The following EIF2B3 variants were observed in gnomAD, a reference collection of about 807,000 sequenced individuals.
EIF2B3 encodes translation initiation factor eIF2B subunit gamma.
A neutral mutation model predicts 54.1 loss-of-function variants in EIF2B3; 20 were observed. The ratio of observed to expected loss-of-function variants is 0.37; its 90% CI spans 0.26 to 0.54. The LOEUF is 0.54. EIF2B3 is among the 20% of genes least tolerant of loss of function. The pLI, the probability that EIF2B3 is intolerant of heterozygous loss-of-function variation, is 0.86. For synonymous variants in EIF2B3, 153 were observed against 188.1 expected, an observed-to-expected ratio of 0.81 and a Z score of 1.52; for missense variants, 448 against 547.8, an observed-to-expected ratio of 0.82 and a Z score of 1.82.
intron 8 of EIF2B3, among the ~76,000 whole-genome samples, chr1:44,876,733 G>A (rs1206808075): frequency 3.5e-5 from 5 of 142,110 alleles, no homozygotes; most frequent in African/African-American, 1.4e-4. Flanking sequence ...TGATGACAAT[G>A]GCGGTTTTGT....
chr1:44,897,302 A>G, intron 6 of EIF2B3, 53 bp downstream of exon 6: 1 of 1,355,768 alleles, frequency 7.4e-7, no homozygotes, highest in Non-Finnish European at 1.1e-6. Context: ...TAAGGAATTC[A>G]CAAAGTAGCT....
At chr1:44,887,902 C>CA (rs975744552) in intron 6 of EIF2B3, among the ~76,000 whole-genome samples, 15 of 146,852 alleles carry the variant, frequency 1.0e-4, no homozygotes, top group South Asian at 2.2e-4. Context: ...TGTCTCCCCC[C>CA]AAAAAAAAAG....
Position 44,881,590 on chromosome 1 carries a change from C to G in EIF2B3, c.784+22G>C. 1 of 1,613,632 alleles carries G rather than the reference C, an allele frequency of 6.2e-7. No homozygotes were observed. The highest frequency in any genetic ancestry group is 1.1e-5 in the South Asian group (1 of 91,078). ...GGTGCTGCTACCCTTGCCCCTCTTA[C>G]TGAACCAACCCAAGAACTGACCTAA... On this transcript the variant is annotated intron_variant, in intron 7 of 11. Coordinates refer to ENST00000360403, the MANE Select transcript of EIF2B3 (RefSeq NM_020365.5). The surrounding 1 kb of genome is among the most constrained non-coding windows in gnomAD (Gnocchi z 4.0).
chr1:44,965,626 A>G (rs1644328631), intron 3 of EIF2B3, among the ~76,000 whole-genome samples: 1 of 149,954 alleles, frequency 6.7e-6, no homozygotes, highest in African/African-American at 2.5e-5. Context: ...TGAGATGCAC[A>G]AATGCATCTT....
rs1644051374 is a variant in EIF2B3, at chr1:44,942,767, CAA to C, written c.295-1104_295-1103del. 1.3e-5 allele frequency among the ~76,000 whole-genome samples: 2 copies of C among 151,778 alleles called. 1 individual carries two copies. Among genetic ancestry groups the C allele is most frequent in the South Asian group, 4.2e-4 (2 of 4,810 alleles). On this transcript the variant is annotated intron_variant, in intron 3 of 11. Transcript: ENST00000360403. ...TCAGATTAATTATAATAAAAACTAA[CAA>C]TGATAACTAATGTTTACTGAATGCT...
chr1:44,877,818 A>G (rs1655245540), intron 8 of EIF2B3, among the ~76,000 whole-genome samples: 1 of 152,140 alleles, frequency 6.6e-6, no homozygotes, highest in African/African-American at 2.4e-5. Context: ...TGGCAGCCAC[A>G]CTAGCTGACG....
chr1:44,970,629 C>T (rs990831247), intron 3 of EIF2B3, among the ~76,000 whole-genome samples: 2 of 152,146 alleles, frequency 1.3e-5, no homozygotes, highest in South Asian at 2.1e-4. Context: ...GAGAGATAAC[C>T]GACATCCCTT....
chr1:44,942,241 C>T (rs1459570950), intron 3 of EIF2B3, among the ~76,000 whole-genome samples: 1 of 150,032 alleles, frequency 6.7e-6, no homozygotes, highest in Non-Finnish European at 1.5e-5. Context: ...ATATTACTGG[C>T]CTCTATTTTT....
chr1:44,962,862 C>T (rs1557706925), intron 3 of EIF2B3, among the ~76,000 whole-genome samples: 1 of 152,150 alleles, frequency 6.6e-6, no homozygotes, highest in South Asian at 2.1e-4. Context: ...TAGTTCTTGC[C>T]TCACAGTATA....
chr1:44,862,107 T>A (rs897850611), intron 10 of EIF2B3, among the ~76,000 whole-genome samples: 3 of 152,192 alleles, frequency 2.0e-5, no homozygotes, highest in Non-Finnish European at 2.9e-5. Context: ...TTCTGTTTAG[T>A]GCCTAAGGAG....
At chr1:44,975,507 A>C (rs1431722156) in intron 3 of EIF2B3, among the ~76,000 whole-genome samples, 1 of 152,210 alleles carries the variant, frequency 6.6e-6, no homozygotes, top group Non-Finnish European at 1.5e-5. Flanking sequence ...ACTGTAACAC[A>C]ATGGTAAGTA....
chr1:44,953,013 T>C (rs914565959), intron 3 of EIF2B3, among the ~76,000 whole-genome samples: 2 of 152,184 alleles, frequency 1.3e-5, no homozygotes, highest in Admixed American at 1.3e-4. Flanking sequence ...AGCAAAAATA[T>C]AGTTGTTGAA....
chr1:44,851,166 G>A (rs1654255520), intron 11 of EIF2B3, among the ~76,000 whole-genome samples, 163 bp from the exon 12 acceptor site: 1 of 151,888 alleles, frequency 6.6e-6, no homozygotes, highest in East Asian at 1.9e-4. Flanking sequence ...CCAGGTTCAT[G>A]CGATTCTCCT....
chr1:44,861,699 C>T (rs976433562), intron 10 of EIF2B3, among the ~76,000 whole-genome samples: 1 of 152,118 alleles, frequency 6.6e-6, no homozygotes, highest in East Asian at 1.9e-4. Context: ...CTTTCTGAGA[C>T]ACATAAACCA....
At chr1:44,915,899 G>T (rs1246729580) in intron 5 of EIF2B3, among the ~76,000 whole-genome samples, 1 of 152,054 alleles carries the variant, frequency 6.6e-6, no homozygotes, top group Non-Finnish European at 1.5e-5. Flanking sequence ...AGAAGATCTT[G>T]TGCCTAAAAA....
chr1:44,901,540 T>G (rs1307670906), intron 5 of EIF2B3, among the ~76,000 whole-genome samples: 1 of 147,980 alleles, frequency 6.8e-6, no homozygotes, highest in Non-Finnish European at 1.5e-5. Context: ...CATGAGCCAC[T>G]GGGCCTGGCC....
intron 2 of EIF2B3, among the ~76,000 whole-genome samples, chr1:44,979,537 AG>A (rs1394799586): frequency 6.8e-6 from 1 of 147,984 alleles, no homozygotes; most frequent in Non-Finnish European, 1.5e-5. Context: ...GCATGCATGT[AG>A]TTGCAGCTAC....
At chr1:44,859,814 T>C (rs1026815696) in intron 10 of EIF2B3, among the ~76,000 whole-genome samples, 1 of 152,218 alleles carries the variant, frequency 6.6e-6, no homozygotes, top group African/African-American at 2.4e-5. Context: ...TGGAGTGCAA[T>C]GGCGTGATCT....
At chr1:44,950,323 T>G (rs951724481) in intron 3 of EIF2B3, among the ~76,000 whole-genome samples, 1 of 152,000 alleles carries the variant, frequency 6.6e-6, no homozygotes, top group South Asian at 2.1e-4. Flanking sequence ...ACTTGAGAGG[T>G]TGAGGCAGGA....
Sources: gnomAD v4.1 joint callset for allele counts (sites outside exome capture counted in the v4.1 genomes callset) on GRCh38, gnomAD v4.1.1 for gene constraint, Gnocchi (gnomAD v3.1) non-coding constraint, MANE v1.5 for transcripts, NCBI Gene and HGNC (gene_info 2026-07-23, HGNC 2026-07-21) for gene names.